TAMM41: variants seen among roughly 807,000 people sequenced by gnomAD.
The protein encoded by TAMM41 is phosphatidate cytidylyltransferase, mitochondrial.
A neutral mutation model predicts 44.1 loss-of-function variants in TAMM41; 36 were observed. The observed-to-expected ratio is 0.82, with a 90% confidence interval of 0.63 to 1.08. The LOEUF is 1.08. TAMM41 is among the 50% of genes least tolerant of loss of function. The probability of loss-of-function intolerance (pLI) is 0.00; values close to 1 mark genes in which losing one functional copy is unlikely to be tolerated. For synonymous variants in TAMM41, 164 were observed against 153.1 expected, an observed-to-expected ratio of 1.07 and a Z score of -0.53; for missense variants, 417 against 404.3, an observed-to-expected ratio of 1.03 and a Z score of -0.27.
chr3:11,726,237 T>A, the TAMM41 span, among the ~76,000 whole-genome samples: 1 of 152,248 alleles, frequency 6.6e-6, no homozygotes, highest in Non-Finnish European at 1.5e-5. Flanking sequence ...CTCCGACTTG[T>A]TCCACAAAAA....
chr3:11,739,748 A>G, the TAMM41 span, among the ~76,000 whole-genome samples: 4 of 150,896 alleles, frequency 2.7e-5, no homozygotes, highest in Non-Finnish European at 4.4e-5. Flanking sequence ...CTGGATATTC[A>G]GGATGTTGTA....
At chr3:11,777,394 A>G in the TAMM41 span, among the ~76,000 whole-genome samples, 1 of 152,258 alleles carries the variant, frequency 6.6e-6, no homozygotes, top group East Asian at 1.9e-4. Flanking sequence ...CTACTAAATG[A>G]CGTCAGGATT....
At chr3:11,814,062 C>T (rs1184744802) in intron 5 of TAMM41, among the ~76,000 whole-genome samples, 1 of 151,828 alleles carries the variant, frequency 6.6e-6, no homozygotes, top group African/African-American at 2.4e-5. Context: ...CCTGTAGTCG[C>T]AGCTCCTCAA....
chr3:11,739,666 C>T, the TAMM41 span, among the ~76,000 whole-genome samples: 2 of 97,100 alleles, frequency 2.1e-5, no homozygotes, highest in African/African-American at 8.8e-5. Context: ...AACAAGACTC[C>T]ATCTCAAAAA....
At chr3:11,813,875 T>TAC in intron 5 of TAMM41, among the ~76,000 whole-genome samples, 1 of 142,660 alleles carries the variant, frequency 7.0e-6, no homozygotes, top group African/African-American at 2.9e-5. Flanking sequence ...TATATATATG[T>TAC]ATATATGTAT....
intron 7 of TAMM41, chr3:11,807,393 A>G (rs1482642820): frequency 6.6e-7 from 1 of 1,521,712 alleles, no homozygotes; most frequent in Non-Finnish European, 8.8e-7. Flanking sequence ...TGAAACGTAG[A>G]GAAGGAGCAA....
intron 5 of TAMM41, among the ~76,000 whole-genome samples, chr3:11,816,768 T>A (rs1405484482): frequency 6.7e-6 from 1 of 148,914 alleles, no homozygotes; most frequent in Non-Finnish European, 1.5e-5. Flanking sequence ...TCAGACCCTG[T>A]CCCCCCAAAA....
chr3:11,790,557 C>T lies in TAMM41; in HGVS notation c.962G>A (p.Ser321Asn). ...TAGLKKSVIY[S>N]SLKLHKMWKG... ...CCACATTTTGTGCAGTTTTAGTGAA[C>T]TATAAATCACTGACTTCTTCAGGCC... is the stretch of plus-strand genomic sequence containing the variant. The change falls in exon 8 of 8, where the codon AGT (serine) becomes AAT (asparagine). Residue 321 changes from serine to asparagine, a missense_variant. Ser to Asn is a conservative substitution (Grantham distance 46). Transcript: ENST00000455809. The T allele has an allele frequency of 6.2e-7, 1 of 1,614,036 alleles. No homozygotes were observed. The highest frequency in any genetic ancestry group is 1.1e-5 in the South Asian group (1 of 91,076).
chr3:11,838,731 G>A (rs1017451461), intron 3 of TAMM41, among the ~76,000 whole-genome samples: 2 of 152,040 alleles, frequency 1.3e-5, no homozygotes, highest in African/African-American at 4.8e-5. Context: ...CACTGCCTAT[G>A]CACAACTGAT....
At chr3:11,771,219 A>C in the TAMM41 span, 1 of 152,352 alleles carries the variant, frequency 6.6e-6, no homozygotes, top group African/African-American at 2.4e-5. Context: ...AGGAAGAGAC[A>C]CTAGGGATGG....
chr3:11,770,286 A>C, the TAMM41 span, among the ~76,000 whole-genome samples: 2 of 152,126 alleles, frequency 1.3e-5, no homozygotes, highest in African/African-American at 4.8e-5. Context: ...TCAGGAGTAC[A>C]TAAGTGGCCC....
downstream of TAMM41, among the ~76,000 whole-genome samples, chr3:11,787,739 T>C (rs1266392933): frequency 1.3e-5 from 2 of 152,232 alleles, no homozygotes; most frequent in Non-Finnish European, 2.9e-5. Flanking sequence ...ACATCATAGA[T>C]ATAGAAACTA....
the TAMM41 span, among the ~76,000 whole-genome samples, chr3:11,758,055 C>A: frequency 6.6e-6 from 1 of 152,130 alleles, no homozygotes; most frequent in East Asian, 1.9e-4. Context: ...CCCAGAGGAA[C>A]TGATGTCTAA....
At chr3:11,802,428 A>G (rs540048961) in intron 7 of TAMM41, among the ~76,000 whole-genome samples, 16 of 152,330 alleles carry the variant, frequency 1.1e-4, no homozygotes, top group Admixed American at 9.2e-4. Flanking sequence ...AAACAACTAG[A>G]TGTCCACAAA....
the TAMM41 span, among the ~76,000 whole-genome samples, chr3:11,749,950 T>A: frequency 6.6e-6 from 1 of 150,822 alleles, no homozygotes; most frequent in Admixed American, 6.6e-5. Context: ...CAGGCTGGAG[T>A]GCAGTGGCAC....
chr3:11,729,534 C>T, the TAMM41 span, among the ~76,000 whole-genome samples: 1,375 of 42,968 alleles, frequency 0.032, 120 homozygotes, highest in East Asian at 0.11. Flanking sequence ...TCTTTTCTTT[C>T]TTTCATTTTT....
At chr3:11,801,559 C>G (rs2077755536) in intron 7 of TAMM41, among the ~76,000 whole-genome samples, 1 of 152,108 alleles carries the variant, frequency 6.6e-6, no homozygotes, top group African/African-American at 2.4e-5. Context: ...CTCCTAGGCT[C>G]AAGCAATCCA....
chr3:11,816,791 A>C (rs1559291345), intron 5 of TAMM41, among the ~76,000 whole-genome samples: 1 of 152,014 alleles, frequency 6.6e-6, no homozygotes, highest in African/African-American at 2.4e-5. Flanking sequence ...AGAAAAAAAA[A>C]CAACAACAAC....
chr3:11,734,906 A>G, the TAMM41 span, among the ~76,000 whole-genome samples: 27,473 of 146,444 alleles, frequency 0.19, 3,977 homozygotes, highest in African/African-American at 0.4. Flanking sequence ...AAAATTAGCC[A>G]GGTGTGGTGG....
Sources: allele counts gnomAD v4.1 joint callset (sites outside exome capture counted in the v4.1 genomes callset), GRCh38; gene constraint gnomAD v4.1.1; transcripts MANE v1.5; gene names NCBI Gene and HGNC (gene_info 2026-07-23, HGNC 2026-07-21).